The following GRID2 variants were observed in gnomAD, a reference collection of about 807,000 sequenced individuals.
GRID2 encodes glutamate receptor ionotropic, delta-2.
Under a neutral mutation model 114.8 loss-of-function variants are expected in GRID2, and 33 were observed. The ratio of observed to expected loss-of-function variants is 0.29; its 90% CI spans 0.22 to 0.38. The LOEUF is 0.38. GRID2 is among the 10% of genes least tolerant of loss of function. The probability of loss-of-function intolerance (pLI) is 1.00; values close to 1 mark genes in which losing one functional copy is unlikely to be tolerated. For missense variants in GRID2, 1,184 were observed against 1,257.7 expected, an observed-to-expected ratio of 0.94 and a Z score of 0.89; for synonymous variants, 505 against 449.9, an observed-to-expected ratio of 1.12 and a Z score of -1.55.
intron 13 of GRID2, among the ~76,000 whole-genome samples, chr4:93,565,885 T>C (rs1735361770): frequency 6.6e-6 from 1 of 152,186 alleles, no homozygotes; most frequent in South Asian, 2.1e-4. Flanking sequence ...GCACATTATC[T>C]TGCCCTTTTT....
intron 2 of GRID2, among the ~76,000 whole-genome samples, chr4:93,054,713 A>G (rs1464905694): frequency 6.6e-6 from 1 of 151,910 alleles, no homozygotes; most frequent in African/African-American, 2.4e-5. Context: ...CATTGTTAAG[A>G]TGGTGTTTTC....
chr4:93,768,942 A>G (rs1733894763), intron 14 of GRID2, among the ~76,000 whole-genome samples: 1 of 149,500 alleles, frequency 6.7e-6, no homozygotes, highest in Non-Finnish European at 1.5e-5. Flanking sequence ...AACCAGAAGA[A>G]GAAGAATAGG....
At chr4:93,538,988 A>G (rs1234545523) in intron 13 of GRID2, among the ~76,000 whole-genome samples, 1 of 151,912 alleles carries the variant, frequency 6.6e-6, no homozygotes, top group Admixed American at 6.6e-5. Context: ...ATAGTAATGT[A>G]AGATATTAAT....
chr4:93,515,010 G>T (rs760574180), intron 12 of GRID2, among the ~76,000 whole-genome samples: 1 of 151,952 alleles, frequency 6.6e-6, no homozygotes, highest in Non-Finnish European at 1.5e-5. Flanking sequence ...ATAATTTTGT[G>T]TTCTCATAAT....
intron 2 of GRID2, among the ~76,000 whole-genome samples, chr4:92,858,278 C>A (rs1744304571): frequency 6.6e-6 from 1 of 152,184 alleles, no homozygotes; most frequent in Admixed American, 6.5e-5. Flanking sequence ...ACAGTGATTC[C>A]TCTGATGGAC....
At chr4:93,715,383 C>G (rs1284258486) in intron 14 of GRID2, among the ~76,000 whole-genome samples, 2 of 152,122 alleles carry the variant, frequency 1.3e-5, no homozygotes, top group Non-Finnish European at 2.9e-5. Flanking sequence ...CAGCTTTGTT[C>G]TTTTTGCTTA....
intron 8 of GRID2, among the ~76,000 whole-genome samples, chr4:93,301,695 T>C (rs1014548460): frequency 1.8e-4 from 28 of 152,146 alleles, no homozygotes; most frequent in African/African-American, 6.3e-4. Flanking sequence ...TAATCCTACG[T>C]ATTGTGGGTC....
At chr4:92,538,794 G>A (rs1725779195) in intron 1 of GRID2, among the ~76,000 whole-genome samples, 1 of 152,100 alleles carries the variant, frequency 6.6e-6, no homozygotes, top group South Asian at 2.1e-4. Context: ...GCAAGTCAGA[G>A]TATGGTGAGT....
At chr4:92,587,709 T>A (rs1442251183) in intron 1 of GRID2, among the ~76,000 whole-genome samples, 1 of 152,236 alleles carries the variant, frequency 6.6e-6, no homozygotes, top group Admixed American at 6.5e-5. Flanking sequence ...TTATCCATTT[T>A]TTCAGTATAT....
intron 14 of GRID2, among the ~76,000 whole-genome samples, chr4:93,655,824 A>G (rs1363692665): frequency 2.6e-5 from 4 of 152,096 alleles, no homozygotes; most frequent in African/African-American, 7.2e-5. Flanking sequence ...TTTATGTACC[A>G]TATGACTAAT....
chr4:93,264,554 A>G (rs7691723), intron 8 of GRID2, among the ~76,000 whole-genome samples: 106,736 of 150,772 alleles, frequency 0.71, 38,529 homozygotes, highest in Middle Eastern at 0.86. Context: ...TTACACGAAG[A>G]CATGGGAAAC....
chr4:92,474,557 A>C (rs1722201526), intron 1 of GRID2, among the ~76,000 whole-genome samples: 1 of 152,230 alleles, frequency 6.6e-6, no homozygotes, highest in Non-Finnish European at 1.5e-5. Flanking sequence ...CTGGATCATA[A>C]GGTACTTCTA....
chr4:92,896,154 A>G (rs1203653085), intron 2 of GRID2, among the ~76,000 whole-genome samples: 1 of 152,186 alleles, frequency 6.6e-6, no homozygotes, highest in East Asian at 1.9e-4. Context: ...TAAAAAGAGA[A>G]GTTTTTTAAA....
At chr4:92,891,355 C>T (rs1021965210) in intron 2 of GRID2, among the ~76,000 whole-genome samples, 1 of 152,150 alleles carries the variant, frequency 6.6e-6, no homozygotes, top group Non-Finnish European at 1.5e-5. Flanking sequence ...CATTGTATTA[C>T]ACACTAAAGA....
intron 2 of GRID2, among the ~76,000 whole-genome samples, chr4:92,989,169 C>T (rs1299371964): frequency 6.8e-6 from 1 of 148,038 alleles, no homozygotes; most frequent in African/African-American, 2.5e-5. Context: ...CCCAGCTACT[C>T]GGGAGGCTGA....
intron 1 of GRID2, among the ~76,000 whole-genome samples, chr4:92,311,183 G>A (rs2110109831): frequency 6.6e-6 from 1 of 152,164 alleles, no homozygotes; most frequent in African/African-American, 2.4e-5. Flanking sequence ...CATTGTGTAT[G>A]TACACTTGCC....
chr4:93,058,879 T>A (rs948543683), intron 2 of GRID2, among the ~76,000 whole-genome samples: 7 of 152,032 alleles, frequency 4.6e-5, no homozygotes, highest in African/African-American at 1.7e-4. Flanking sequence ...TTAAAATAAC[T>A]GCATTATAAA....
intron 13 of GRID2, among the ~76,000 whole-genome samples, chr4:93,519,010 G>T (rs1314325528): frequency 6.6e-6 from 1 of 152,142 alleles, no homozygotes; most frequent in African/African-American, 2.4e-5. Context: ...GACTAGCAGT[G>T]TCTGCATCAC....
At chr4:92,870,991 T>C (rs1745232146) in intron 2 of GRID2, among the ~76,000 whole-genome samples, 1 of 152,174 alleles carries the variant, frequency 6.6e-6, no homozygotes, top group African/African-American at 2.4e-5. Context: ...AAAATTCTTC[T>C]AAACATTTTT....
Sources: gnomAD v4.1 joint callset for allele counts (sites outside exome capture counted in the v4.1 genomes callset) on GRCh38, gnomAD v4.1.1 for gene constraint, MANE v1.5 for transcripts, NCBI Gene and HGNC (gene_info 2026-07-23, HGNC 2026-07-21) for gene names.